The following DSCAM variants were observed in gnomAD, a reference collection of about 807,000 sequenced individuals.
DSCAM encodes cell adhesion molecule DSCAM.
DSCAM carries 47 observed loss-of-function variants against 217.7 expected under a neutral mutation model. That is an observed-to-expected ratio of 0.22 (90% CI 0.17 to 0.28). The LOEUF is 0.28. Among genes scored for constraint, DSCAM ranks in the 10% least tolerant of loss-of-function variants. DSCAM has a pLI of 1.00. For missense variants in DSCAM, 2,080 were observed against 2,618.3 expected (o/e 0.79, Z 4.49); for synonymous variants, 1,056 against 1,015.3 (o/e 1.04, Z -0.76).
chr21:40,173,652 G>A (rs2090683936), intron 15 of DSCAM, among the ~76,000 whole-genome samples: 1 of 152,112 alleles, frequency 6.6e-6, no homozygotes, highest in Non-Finnish European at 1.5e-5. Context: ...TGCTTCACAT[G>A]CTCCTGACTT....
At chr21:40,351,751 T>C (rs902014652) in intron 5 of DSCAM, among the ~76,000 whole-genome samples, 7 of 151,848 alleles carry the variant, frequency 4.6e-5, no homozygotes, top group Non-Finnish European at 1.0e-4. Flanking sequence ...ATAAGCACAT[T>C]AAGAATAAAG....
intron 20 of DSCAM, among the ~76,000 whole-genome samples, chr21:40,113,492 A>G (rs1242480390): frequency 3.9e-5 from 6 of 152,200 alleles, no homozygotes; most frequent in Non-Finnish European, 8.8e-5. Flanking sequence ...ATTCCCTTGA[A>G]AACTGGCACA....
At chr21:40,202,764 T>A (rs1383136699) in intron 11 of DSCAM, among the ~76,000 whole-genome samples, 3 of 152,250 alleles carry the variant, frequency 2.0e-5, no homozygotes, top group African/African-American at 7.2e-5. Context: ...TCTTCATCTG[T>A]GTTAATATTC....
At chr21:40,237,461 G>A (rs1176836076) in intron 11 of DSCAM, among the ~76,000 whole-genome samples, 1 of 152,116 alleles carries the variant, frequency 6.6e-6, no homozygotes, top group Admixed American at 6.6e-5. Flanking sequence ...GAGAACACGT[G>A]GTGTTTGGTT....
At chr21:40,113,399 G>A (rs1381741860) in intron 20 of DSCAM, among the ~76,000 whole-genome samples, 3 of 152,130 alleles carry the variant, frequency 2.0e-5, no homozygotes, top group Admixed American at 2.0e-4. Context: ...ATTAGGTATT[G>A]ATGGGACGTA....
rs1198952801 is a variant in DSCAM, at chr21:40,144,776, G to C, written c.3019-45C>G. 2.5e-6 allele frequency: 4 copies of C among 1,608,504 alleles called. No individual in the cohort carries two copies. Among genetic ancestry groups the C allele is most frequent in the Non-Finnish European group, 3.4e-6 (4 of 1,177,440 alleles). Reference sequence around the variant, plus strand: ...ACACACTAAAGAAGTCTTGAGGTAGGACAAGAGCGAAATCAACGCCCACAC... The same window carrying C: ...ACACACTAAAGAAGTCTTGAGGTAGCACAAGAGCGAAATCAACGCCCACAC... On this transcript the variant is annotated intron_variant, in intron 16 of 32. Transcript: ENST00000400454. This position sits in a 1 kb window ranked among gnomAD's most constrained non-coding sequence, Gnocchi z 4.8.
intron 10 of DSCAM, among the ~76,000 whole-genome samples, chr21:40,285,252 G>A (rs536029771): frequency 1.3e-4 from 20 of 152,266 alleles, no homozygotes; most frequent in African/African-American, 4.3e-4. Flanking sequence ...ACCATTCAAG[G>A]TCTCCAGCCA....
At chr21:40,203,300 T>A (rs2178850) in intron 11 of DSCAM, among the ~76,000 whole-genome samples, 1 of 152,208 alleles carries the variant, frequency 6.6e-6, no homozygotes. Flanking sequence ...CTACCATACA[T>A]GTATAGTACC....
intron 3 of DSCAM, among the ~76,000 whole-genome samples, chr21:40,515,195 A>C (rs1053595863): frequency 6.6e-6 from 1 of 152,230 alleles, no homozygotes; most frequent in Non-Finnish European, 1.5e-5. Context: ...AAAAATAAAA[A>C]TAACTTTTGC....
chr21:40,340,308 T>A (rs1601565499), intron 6 of DSCAM, among the ~76,000 whole-genome samples: 1 of 152,226 alleles, frequency 6.6e-6, no homozygotes. Flanking sequence ...ATTTTCAGTA[T>A]GTTTACATAG....
At chr21:40,105,699 T>A (rs537418367) in intron 20 of DSCAM, among the ~76,000 whole-genome samples, 1 of 152,310 alleles carries the variant, frequency 6.6e-6, no homozygotes, top group South Asian at 2.1e-4. Flanking sequence ...ACACTGTGAA[T>A]AGGATAACAG....
chr21:40,646,176 G>C (rs9984713), intron 3 of DSCAM, among the ~76,000 whole-genome samples: 57,744 of 151,986 alleles, frequency 0.38, 11,823 homozygotes, highest in East Asian at 0.6. Flanking sequence ...TAGCACTTTG[G>C]GAGGCCAAGG....
intron 3 of DSCAM, among the ~76,000 whole-genome samples, chr21:40,553,683 T>A (rs891725968): frequency 6.6e-6 from 1 of 152,218 alleles, no homozygotes; most frequent in African/African-American, 2.4e-5. Flanking sequence ...AGATAACACA[T>A]CCGTTTGCAC....
At chr21:40,331,249 G>A (rs1036435499) in intron 8 of DSCAM, among the ~76,000 whole-genome samples, 1 of 152,146 alleles carries the variant, frequency 6.6e-6, no homozygotes, top group Admixed American at 6.6e-5. Context: ...GCCAAGGTTG[G>A]AACAGCTAAT....
intron 8 of DSCAM, among the ~76,000 whole-genome samples, chr21:40,314,089 G>T (rs971731103): frequency 7.2e-5 from 11 of 152,168 alleles, no homozygotes; most frequent in Admixed American, 2.6e-4. Context: ...AACGTGCTGG[G>T]CACACAGCAA....
chr21:40,093,915 A>G (rs1330442738), intron 20 of DSCAM, 41 bp from the exon 21 acceptor site: 1 of 1,590,182 alleles, frequency 6.3e-7, no homozygotes, highest in Non-Finnish European at 8.6e-7. Flanking sequence ...TCAAAGAAGC[A>G]TGTGGCAAAA....
intron 16 of DSCAM, among the ~76,000 whole-genome samples, chr21:40,146,267 G>T (rs74556406): frequency 4.6e-5 from 7 of 152,090 alleles, no homozygotes; most frequent in East Asian, 3.9e-4. Flanking sequence ...TTGACGGAGG[G>T]GGGGAGGTGG....
At chr21:40,217,410 C>CT (rs966125439) in intron 11 of DSCAM, among the ~76,000 whole-genome samples, 1 of 152,076 alleles carries the variant, frequency 6.6e-6, no homozygotes, top group African/African-American at 2.4e-5. Context: ...AAACGTCCTG[C>CT]TTTTTTTAAC....
In DSCAM at chr21:40,092,394, C is replaced by A. The variant is rs547088654; in HGVS notation, c.3850+1327G>T. Among the ~76,000 whole-genome samples the A allele has an allele frequency of 2.6e-5, 4 of 152,290 alleles. No homozygotes were observed. The East Asian group carries it at 7.7e-4, about 29-fold the overall frequency. On this transcript the variant is annotated intron_variant, in intron 21 of 32. Coordinates refer to ENST00000400454, the MANE Select transcript of DSCAM (RefSeq NM_001389.5). ...AACATTTATTTCAGCAGTCAGCCTC[C>A]CTTGACCAAATCCTCTGTGTCCCCA... is the stretch of plus-strand genomic sequence containing the variant.
Sources: gnomAD v4.1 joint callset for allele counts (sites outside exome capture counted in the v4.1 genomes callset) on GRCh38, gnomAD v4.1.1 for gene constraint, Gnocchi (gnomAD v3.1) non-coding constraint, MANE v1.5 for transcripts, NCBI Gene and HGNC (gene_info 2026-07-23, HGNC 2026-07-21) for gene names.